The following FANCC variants were observed in gnomAD, a reference collection of about 807,000 sequenced individuals.
FANCC encodes the protein FA complementation group C.
Under a neutral mutation model 71.3 loss-of-function variants are expected in FANCC, and 55 were observed. That is an observed-to-expected ratio of 0.77 (90% CI 0.62 to 0.97). The LOEUF (loss-of-function observed/expected upper bound fraction) is 0.97. FANCC is among the 50% of genes least tolerant of loss of function. The pLI, the probability that FANCC is intolerant of heterozygous loss-of-function variation, is 0.00. For missense variants in FANCC, 678 were observed against 670.9 expected (o/e 1.01, Z -0.12); for synonymous variants, 275 against 244.9 (o/e 1.12, Z -1.15).
chr9:95,188,997 C>T (rs1826911145), intron 4 of FANCC, among the ~76,000 whole-genome samples: 1 of 152,182 alleles, frequency 6.6e-6, no homozygotes, highest in South Asian at 2.1e-4. Flanking sequence ...GTAATTTTCT[C>T]ATGATAGCAT....
chr9:95,275,626 C>T (rs1016391257), intron 1 of FANCC, among the ~76,000 whole-genome samples: 2 of 152,154 alleles, frequency 1.3e-5, no homozygotes, highest in African/African-American at 4.8e-5. Flanking sequence ...GTACTTTCTG[C>T]TCAATTTTGC....
At chr9:95,254,149 T>TTA (rs1424420310) in intron 1 of FANCC, among the ~76,000 whole-genome samples, 3 of 152,246 alleles carry the variant, frequency 2.0e-5, no homozygotes, top group African/African-American at 7.2e-5. Flanking sequence ...GCTGGCAATA[T>TTA]TCTATTTCCT....
chr9:95,150,645 A>G (rs1830123865), intron 6 of FANCC, among the ~76,000 whole-genome samples: 1 of 152,212 alleles, frequency 6.6e-6, no homozygotes, highest in East Asian at 1.9e-4. Flanking sequence ...TTCCGATCAC[A>G]ACACTTGTCT....
chr9:95,315,130 C>T (rs1055986122), intron 1 of FANCC, among the ~76,000 whole-genome samples: 1 of 152,182 alleles, frequency 6.6e-6, no homozygotes, highest in Non-Finnish European at 1.5e-5. Context: ...CCCTCAGTCC[C>T]GTATTAAACT....
chr9:95,101,307 A>C lies in FANCC; in HGVS notation c.*400T>G, dbSNP rs987533287. On this transcript the variant is annotated 3_prime_UTR_variant, in exon 15 of 15. Coordinates refer to ENST00000289081, the MANE Select transcript of FANCC (RefSeq NM_000136.3). Reference sequence around the variant, plus strand: ...CTAAAAAGAGCTAAGTTCTCTCTAAATTCTTTAATGGTTCATGACCAAATT... The same window carrying C: ...CTAAAAAGAGCTAAGTTCTCTCTAACTTCTTTAATGGTTCATGACCAAATT... The C allele has an allele frequency of 3.0e-6, 1 of 329,474 alleles. No individual in the cohort carries two copies. Among genetic ancestry groups the C allele is most frequent in the East Asian group, 4.6e-5 (1 of 21,842 alleles). The allele number at this position is 329,474 out of a possible 1,614,324, so 20.4% of individuals were successfully genotyped here. A position where few individuals can be genotyped will look rare whatever the true frequency, so the allele number is the denominator to read the frequency against.
chr9:95,276,228 T>C (rs1476280570), intron 1 of FANCC, among the ~76,000 whole-genome samples: 1 of 152,148 alleles, frequency 6.6e-6, no homozygotes, highest in Non-Finnish European at 1.5e-5. Flanking sequence ...AACAGTTTCA[T>C]ATGGGAGATT....
intron 13 of FANCC, chr9:95,107,630 CAATT>C (rs1334911947): frequency 2.5e-6 from 1 of 402,078 alleles, no homozygotes; most frequent in Non-Finnish European, 4.7e-6. Flanking sequence ...AGCCACAAAT[CAATT>C]AAAGCCCCAC....
chr9:95,303,634 C>T (rs1834889504), intron 1 of FANCC, among the ~76,000 whole-genome samples: 1 of 152,204 alleles, frequency 6.6e-6, no homozygotes, highest in Admixed American at 6.5e-5. Context: ...CACCTGTGTC[C>T]TCACATGACC....
chr9:95,192,680 A>G lies in FANCC; in HGVS notation c.346-20533T>C, dbSNP rs1198560570. Among the ~76,000 whole-genome samples, 3 of 152,370 alleles carry G rather than the reference A, an allele frequency of 2.0e-5. No homozygotes were observed. In the East Asian group the frequency reaches 5.8e-4, roughly 29 times the overall value. ...TTACTATTATTGAAGCAACAGAAAAAGATTACAGAAATTTCAGAGACATAA... is the reference window on the plus strand; with the variant it reads ...TTACTATTATTGAAGCAACAGAAAAGGATTACAGAAATTTCAGAGACATAA... On this transcript the variant is annotated intron_variant, in intron 4 of 14. Coordinates refer to ENST00000289081, the MANE Select transcript of FANCC (RefSeq NM_000136.3).
intron 7 of FANCC, among the ~76,000 whole-genome samples, chr9:95,144,884 TATCTCACATAAGGACCA>T (rs1829317485): frequency 6.6e-6 from 1 of 152,190 alleles, no homozygotes; most frequent in East Asian, 1.9e-4. Flanking sequence ...CTTTACTCAG[TATCTCACATAAGGACCA>T]AACATAACGC....
intron 1 of FANCC, among the ~76,000 whole-genome samples, chr9:95,266,080 T>C (rs372101327): frequency 6.6e-6 from 1 of 152,220 alleles, no homozygotes; most frequent in African/African-American, 2.4e-5. Context: ...TGCAAGGTGC[T>C]TGCTGCAACC....
chr9:95,260,696 A>AC (rs1307881502), intron 1 of FANCC, among the ~76,000 whole-genome samples: 6 of 151,084 alleles, frequency 4.0e-5, no homozygotes, highest in Admixed American at 3.3e-4. Flanking sequence ...TAAAAAAAAA[A>AC]AAAAAACTTC....
chr9:95,229,770 TACACACACACACACAC>T (rs3030656), intron 4 of FANCC, among the ~76,000 whole-genome samples: 213 of 148,424 alleles, frequency 1.4e-3, no homozygotes, highest in Non-Finnish European at 2.6e-3. Context: ...TGCACACATG[TACACACACACACACAC>T]ACACACACAC....
At chr9:95,242,069 T>C (rs1830663799) in intron 3 of FANCC, among the ~76,000 whole-genome samples, 1 of 152,202 alleles carries the variant, frequency 6.6e-6, no homozygotes, top group Admixed American at 6.5e-5. Flanking sequence ...TAACAGTAAT[T>C]TTTAAACCCA....
At chr9:95,198,472 C>A (rs1211881531) in intron 4 of FANCC, among the ~76,000 whole-genome samples, 1 of 152,188 alleles carries the variant, frequency 6.6e-6, no homozygotes. Flanking sequence ...TCTGACTTCT[C>A]TGAAAATGTA....
chr9:95,261,809 A>G (rs150063068), intron 1 of FANCC, among the ~76,000 whole-genome samples: 74 of 152,352 alleles, frequency 4.9e-4, no homozygotes, highest in African/African-American at 1.8e-3. Flanking sequence ...CTGGAACAGA[A>G]GGCAGTGTCC....
chr9:95,105,303 G>A (rs1309568949), intron 14 of FANCC, among the ~76,000 whole-genome samples: 5 of 152,200 alleles, frequency 3.3e-5, no homozygotes, highest in East Asian at 1.9e-4. Context: ...AGTCAGGCCC[G>A]GCCTGGACGG....
chr9:95,102,010 G>A (rs1205377429), intron 14 of FANCC, among the ~76,000 whole-genome samples, 160 bp from the exon 15 acceptor site: 2 of 152,214 alleles, frequency 1.3e-5, no homozygotes, highest in Non-Finnish European at 2.9e-5. Context: ...TTTGCAAGGT[G>A]ATTAGCATAG....
At chr9:95,170,134 A>G (rs757719922) in intron 6 of FANCC, among the ~76,000 whole-genome samples, 1 of 152,242 alleles carries the variant, frequency 6.6e-6, no homozygotes, top group African/African-American at 2.4e-5. Context: ...GAATAAATTT[A>G]TAATTACATA....
Sources: allele counts gnomAD v4.1 joint callset (sites outside exome capture counted in the v4.1 genomes callset), GRCh38; gene constraint gnomAD v4.1.1; transcripts MANE v1.5; gene names NCBI Gene and HGNC (gene_info 2026-07-23, HGNC 2026-07-21).